The following PLCXD3 variants were observed in gnomAD, a reference collection of about 807,000 sequenced individuals.
The protein encoded by PLCXD3 is phosphatidylinositol specific phospholipase C X domain containing 3.
A neutral mutation model predicts 25.5 loss-of-function variants in PLCXD3; 19 were observed. The observed-to-expected ratio is 0.75, with a 90% CI of 0.52 to 1.09. The LOEUF (loss-of-function observed/expected upper bound fraction) is 1.09. Among genes scored for constraint, PLCXD3 ranks in the 50% least tolerant of loss-of-function variants. The pLI, the probability that PLCXD3 is intolerant of heterozygous loss-of-function variation, is 0.00. For missense variants in PLCXD3, 411 were observed against 388.1 expected (o/e 1.06, Z -0.50); for synonymous variants, 174 against 137.6 (o/e 1.26, Z -1.85).
At chr5:41,341,507 G>C (rs1744147752) in intron 2 of PLCXD3, among the ~76,000 whole-genome samples, 1 of 152,126 alleles carries the variant, frequency 6.6e-6, no homozygotes, top group South Asian at 2.1e-4. Context: ...AATTTAAGTT[G>C]TTCCAAATAA....
At chr5:41,399,849 C>T (rs985040742) in intron 1 of PLCXD3, among the ~76,000 whole-genome samples, 10 of 152,146 alleles carry the variant, frequency 6.6e-5, no homozygotes, top group African/African-American at 1.7e-4. Context: ...CATATGGGAT[C>T]GCATCAAATT....
At chr5:41,337,699 T>C (rs917275421) in intron 2 of PLCXD3, among the ~76,000 whole-genome samples, 2 of 152,178 alleles carry the variant, frequency 1.3e-5, no homozygotes, top group African/African-American at 2.4e-5. Context: ...TTCTTTGTTT[T>C]TTTCCCCTTT....
In PLCXD3 at chr5:41,307,785, G is replaced by T; in HGVS notation, c.*5832C>A. 1 of 152,096 alleles carries T rather than the reference G, an allele frequency of 6.6e-6. No individual in the cohort carries two copies. Among genetic ancestry groups the T allele is most frequent in the African/African-American group, 2.4e-5 (1 of 41,412 alleles). The allele number at this position is 152,096 out of a possible 1,614,324, so 9.4% of individuals were successfully genotyped here. Reference sequence around the variant, plus strand: ...GTAAGATGTGAATGGGGGAAATAATGAATTCGTTTGTTATCTCTCTGAAAG... The same window carrying T: ...GTAAGATGTGAATGGGGGAAATAATTAATTCGTTTGTTATCTCTCTGAAAG... On this transcript the variant is annotated 3_prime_UTR_variant, in exon 3 of 3. Coordinates refer to ENST00000377801, the MANE Select transcript of PLCXD3 (RefSeq NM_001005473.3).
rs186990779 is a variant in PLCXD3, at chr5:41,310,397, T to C, written c.*3220A>G. 1 of 152,256 alleles carries C rather than the reference T, an allele frequency of 6.6e-6. No homozygotes were observed. Among genetic ancestry groups the C allele is most frequent in the Non-Finnish European group, 1.5e-5 (1 of 67,998 alleles). 9.4% of individuals were successfully genotyped at this position (152,256 alleles called of 1,614,324 possible). ...AGATTGTATTTGTTTGGTTGTTTTG[T>C]TTTGTTTTGTTTTTTTGCCTCACAG... is the stretch of plus-strand genomic sequence containing the variant. On this transcript the variant is annotated 3_prime_UTR_variant, in exon 3 of 3. Transcript: ENST00000377801.
chr5:41,399,051 G>T (rs568902880), intron 1 of PLCXD3, among the ~76,000 whole-genome samples: 1 of 152,220 alleles, frequency 6.6e-6, no homozygotes, highest in Admixed American at 6.5e-5. Flanking sequence ...ATTTCTACAT[G>T]CCAACAGTGA....
intron 1 of PLCXD3, among the ~76,000 whole-genome samples, chr5:41,414,877 G>T (rs1746657441): frequency 6.6e-6 from 1 of 152,148 alleles, no homozygotes; most frequent in African/African-American, 2.4e-5. Context: ...CTGTCAAGGT[G>T]TCACTGGGCT....
intron 1 of PLCXD3, among the ~76,000 whole-genome samples, chr5:41,393,446 T>A (rs10055126): frequency 0.57 from 86,397 of 152,012 alleles, 25,093 homozygotes; most frequent in South Asian, 0.71. Context: ...GCTTTTACCC[T>A]AGAATAGTAT....
chr5:41,446,176 C>CAAAAAA (rs70988847), intron 1 of PLCXD3, among the ~76,000 whole-genome samples: 12 of 38,118 alleles, frequency 3.1e-4, no homozygotes, highest in East Asian at 1.7e-3. Flanking sequence ...GACTCCTTCT[C>CAAAAAA]AAAAAAAAAA....
At chr5:41,473,614 C>T (rs530911047) in intron 1 of PLCXD3, among the ~76,000 whole-genome samples, 35 of 152,096 alleles carry the variant, frequency 2.3e-4, no homozygotes, top group Middle Eastern at 3.4e-3. Flanking sequence ...CACCACGCCC[C>T]GCTAATTTTT....
At chr5:41,414,219 T>C (rs1010492744) in intron 1 of PLCXD3, among the ~76,000 whole-genome samples, 11 of 6,256 alleles carry the variant, frequency 1.8e-3, no homozygotes, top group African/African-American at 7.5e-3. Flanking sequence ...GAGTAGGCAT[T>C]TTTTTTTTTT....
intron 2 of PLCXD3, among the ~76,000 whole-genome samples, chr5:41,340,938 A>C (rs578066907): frequency 6.6e-6 from 1 of 152,146 alleles, no homozygotes; most frequent in Non-Finnish European, 1.5e-5. Context: ...ACATTTTAGG[A>C]GATGAAAAAG....
intron 1 of PLCXD3, among the ~76,000 whole-genome samples, chr5:41,384,635 A>G (rs1054706159): frequency 6.6e-6 from 1 of 152,084 alleles, no homozygotes; most frequent in Admixed American, 6.6e-5. Flanking sequence ...TCTGTTTTCA[A>G]TATGGCTTTA....
chr5:41,330,978 C>T (rs987313505), intron 2 of PLCXD3, among the ~76,000 whole-genome samples: 7 of 152,130 alleles, frequency 4.6e-5, no homozygotes, highest in African/African-American at 1.7e-4. Context: ...GACAAAGCCA[C>T]AGCCAATATC....
chr5:41,466,520 A>G (rs1425979903), intron 1 of PLCXD3, among the ~76,000 whole-genome samples: 3 of 152,114 alleles, frequency 2.0e-5, no homozygotes, highest in African/African-American at 7.2e-5. Flanking sequence ...CAACATATCC[A>G]TCATCTCACT....
At chr5:41,452,912 G>T (rs1312398606) in intron 1 of PLCXD3, among the ~76,000 whole-genome samples, 5 of 151,800 alleles carry the variant, frequency 3.3e-5, no homozygotes. Context: ...GTGTATATTT[G>T]TGAGGTACAA....
rs181904775 is a variant in PLCXD3, at chr5:41,371,016, G to T, written c.812+10810C>A. Among the ~76,000 whole-genome samples, 52 of 152,230 alleles carry T rather than the reference G, an allele frequency of 3.4e-4. 1 individual carries two copies. Among genetic ancestry groups the T allele is most frequent in the Middle Eastern group, 3.4e-3 (1 of 294 alleles). On this transcript the variant is annotated intron_variant, in intron 2 of 2. Coordinates refer to ENST00000377801, the MANE Select transcript of PLCXD3 (RefSeq NM_001005473.3). ...GTAGAGGGAGAAATTTAAGATCACAGAGAAAGAAAGTCAAGTTGACTGAAA... is the reference window on the plus strand; with the variant it reads ...GTAGAGGGAGAAATTTAAGATCACATAGAAAGAAAGTCAAGTTGACTGAAA...
chr5:41,366,609 C>G (rs1267588087), intron 2 of PLCXD3, among the ~76,000 whole-genome samples: 2 of 152,202 alleles, frequency 1.3e-5, no homozygotes, highest in African/African-American at 4.8e-5. Flanking sequence ...CACACATGCA[C>G]AAACACATAT....
chr5:41,371,371 C>T (rs1745090749), intron 2 of PLCXD3, among the ~76,000 whole-genome samples: 1 of 152,144 alleles, frequency 6.6e-6, no homozygotes, highest in South Asian at 2.1e-4. Flanking sequence ...AAGCAATCTC[C>T]CACAATACCG....
chr5:41,461,984 A>G (rs966661912), intron 1 of PLCXD3, among the ~76,000 whole-genome samples: 9 of 152,012 alleles, frequency 5.9e-5, no homozygotes, highest in Non-Finnish European at 1.0e-4. Flanking sequence ...TCCTGAAGAA[A>G]TAACTGTATG....
Sources: gnomAD v4.1 joint callset for allele counts (sites outside exome capture counted in the v4.1 genomes callset) on GRCh38, gnomAD v4.1.1 for gene constraint, MANE v1.5 for transcripts, NCBI Gene and HGNC (gene_info 2026-07-23, HGNC 2026-07-21) for gene names.